The following LRRK2 variants were observed in gnomAD, a reference collection of about 807,000 sequenced individuals.
The protein encoded by LRRK2 is leucine rich repeat kinase 2, also known as leucine-rich repeat serine/threonine-protein kinase 2.
Under a neutral mutation model 302.6 loss-of-function variants are expected in LRRK2, and 203 were observed. That is an observed-to-expected ratio of 0.67 (90% CI 0.60 to 0.75). LRRK2 has a LOEUF of 0.75. Among genes scored for constraint, LRRK2 ranks in the 30% least tolerant of loss-of-function variants. The pLI is 0.00. For synonymous variants in LRRK2, 1,066 were observed against 1,031.9 expected, an observed-to-expected ratio of 1.03 and a Z score of -0.63; for missense variants, 2,830 against 2,951.0, an observed-to-expected ratio of 0.96 and a Z score of 0.95.
intron 33 of LRRK2, among the ~76,000 whole-genome samples, chr12:40,319,037 A>G (rs1945317417): frequency 6.6e-6 from 1 of 152,110 alleles, no homozygotes; most frequent in Admixed American, 6.6e-5. Context: ...TCACTCAACT[A>G]CATGATAGCA....
intron 27 of LRRK2, 178 bp downstream of exon 27, chr12:40,304,312 G>A (rs1944731806): frequency 8.0e-6 from 5 of 627,082 alleles, no homozygotes; most frequent in Non-Finnish European, 1.4e-5. Flanking sequence ...AATAAGAACA[G>A]CTACTAATGA....
chr12:40,337,567 T>C (rs1028821024), intron 40 of LRRK2, among the ~76,000 whole-genome samples: 3 of 152,186 alleles, frequency 2.0e-5, no homozygotes, highest in Non-Finnish European at 4.4e-5. Flanking sequence ...AAGTATGCAT[T>C]TGTCCACCAG....
chr12:40,305,645 G>A (rs1015708282), intron 27 of LRRK2, 140 bp from the exon 28 acceptor site: 58 of 772,192 alleles, frequency 7.5e-5, no homozygotes, highest in Non-Finnish European at 1.2e-4. Context: ...CAAACCTTTG[G>A]AAAGTTTTAA....
chr12:40,251,467 G>C lies in LRRK2; in HGVS notation c.1104G>C (p.Glu368Asp). 6.2e-7 allele frequency: 1 copy of C among 1,611,574 alleles called. No individual in the cohort carries two copies. Among genetic ancestry groups the C allele is most frequent in the Non-Finnish European group, 8.5e-7 (1 of 1,178,604 alleles). ...TWHRKNKHVQEAACWALNNLL... is the reference protein window; with the variant it reads ...TWHRKNKHVQDAACWALNNLL... ...TTCTTTTTTCTCCCCTAATCCAGGA[G>C]GCCGCATGCTGGGCACTAAATAATC... Residue 368 changes from glutamate to aspartate, a missense_variant and splice_region_variant, in exon 10 of 51, where the codon GAG becomes GAC. By Grantham distance (45) the Glu-to-Asp change is conservative. Around this residue, in one of 3 missense-constraint regions of LRRK2, gnomAD observed 2,121 missense variants for 2,148.0 expected, o/e 0.99. Transcript: ENST00000298910.
chr12:40,265,536 G>C (rs995685028), intron 14 of LRRK2, among the ~76,000 whole-genome samples: 1 of 152,156 alleles, frequency 6.6e-6, no homozygotes, highest in African/African-American at 2.4e-5. Context: ...TCATAAGTGG[G>C]TGGGAAGAAG....
In LRRK2 at chr12:40,243,552, A is replaced by G; in HGVS notation, c.709A>G (p.Asn237Asp). The G allele has an allele frequency of 6.2e-7, 1 of 1,611,206 alleles. No homozygotes were observed. The highest frequency in any genetic ancestry group is 2.2e-5 in the East Asian group (1 of 44,664). The change falls in exon 7 of 51, where the codon AAT becomes GAT. Residue 237 changes from asparagine to aspartate, a missense_variant and splice_region_variant. By Grantham distance (23) the Asn-to-Asp change is conservative (BLOSUM62 1). Coordinates refer to ENST00000298910, the MANE Select transcript of LRRK2 (RefSeq NM_198578.4). ...HCLHSLAIPC[N>D]NVEVLMSGNV... ...AATTATGATCTCTTTAAATTCAGGC[A>G]ATAATGTGGAAGTCCTCATGAGTGG...
At chr12:40,353,502 G>C (rs555936758) in intron 44 of LRRK2, among the ~76,000 whole-genome samples, 2 of 65,970 alleles carry the variant, frequency 3.0e-5, no homozygotes, top group East Asian at 6.5e-4. Flanking sequence ...TCCCAGACTG[G>C]GCAGCCGGGC....
intron 20 of LRRK2, among the ~76,000 whole-genome samples, chr12:40,292,326 G>A (rs1028816633): frequency 1.3e-5 from 2 of 151,878 alleles, no homozygotes; most frequent in African/African-American, 4.8e-5. Flanking sequence ...CAGTTTTCTT[G>A]TTGTTTATGT....
chr12:40,305,249 A>AT (rs1476365976), intron 27 of LRRK2, among the ~76,000 whole-genome samples: 20 of 152,244 alleles, frequency 1.3e-4, no homozygotes, highest in Admixed American at 1.0e-3. Context: ...TTGCTACCTG[A>AT]TTTTTTGCCA....
chr12:40,249,581 G>A (rs926509767), intron 7 of LRRK2, among the ~76,000 whole-genome samples: 2 of 152,032 alleles, frequency 1.3e-5, no homozygotes, highest in African/African-American at 2.4e-5. Context: ...TTAATACAAC[G>A]CAAACTAGTA....
At chr12:40,355,085 G>A (rs993611067) in intron 45 of LRRK2, among the ~76,000 whole-genome samples, 11 of 152,014 alleles carry the variant, frequency 7.2e-5, no homozygotes, top group Non-Finnish European at 1.2e-4. Flanking sequence ...TTTCCAGGAG[G>A]CATTAAGATT....
intron 14 of LRRK2, among the ~76,000 whole-genome samples, chr12:40,273,910 A>G (rs547882908): frequency 7.2e-4 from 109 of 152,218 alleles, no homozygotes; most frequent in African/African-American, 2.3e-3. Flanking sequence ...TCATAGTGTC[A>G]AATCATCTGG....
At chr12:40,339,474 G>GT (rs527443618) in intron 40 of LRRK2, among the ~76,000 whole-genome samples, 7 of 152,028 alleles carry the variant, frequency 4.6e-5, no homozygotes, top group East Asian at 1.9e-4. Context: ...ACTTTACACT[G>GT]TTTTTTTATA....
intron 14 of LRRK2, among the ~76,000 whole-genome samples, chr12:40,264,483 G>A (rs375451653): frequency 6.6e-6 from 1 of 152,146 alleles, no homozygotes; most frequent in Non-Finnish European, 1.5e-5. Flanking sequence ...ACTGGGCATG[G>A]TGGCACGTGC....
At chr12:40,270,232 C>T (rs1265373469) in intron 14 of LRRK2, among the ~76,000 whole-genome samples, 1 of 152,064 alleles carries the variant, frequency 6.6e-6, no homozygotes, top group African/African-American at 2.4e-5. Context: ...AGTATTTGCA[C>T]TTCTAATATC....
chr12:40,305,260 G>A (rs1389290518), intron 27 of LRRK2, among the ~76,000 whole-genome samples: 2 of 152,094 alleles, frequency 1.3e-5, no homozygotes, highest in African/African-American at 2.4e-5. Flanking sequence ...TTTTTTGCCA[G>A]CAAATGAGTG....
chr12:40,228,171 T>C (rs1940991920), intron 2 of LRRK2, among the ~76,000 whole-genome samples: 1 of 152,204 alleles, frequency 6.6e-6, no homozygotes, highest in South Asian at 2.1e-4. Context: ...CTGTGTTTCA[T>C]CATGGCTGTG....
chr12:40,251,382 T>G lies in LRRK2; in HGVS notation c.1101+8T>G, dbSNP rs764353764. 1 of 1,613,972 alleles carries G rather than the reference T, an allele frequency of 6.2e-7. No homozygotes were observed. The highest frequency in any genetic ancestry group is 1.1e-5 in the South Asian group (1 of 91,076). The stretch of plus-strand genomic sequence containing the variant: ...AAGAACAAGCACGTGCAGGTAGGAC[T>G]CTCATAAATATTAGAGTTATTCAAA... On this transcript the variant is annotated splice_region_variant and intron_variant, in intron 9 of 50. Coordinates refer to ENST00000298910, the MANE Select transcript of LRRK2 (RefSeq NM_198578.4).
intron 14 of LRRK2, among the ~76,000 whole-genome samples, chr12:40,271,755 C>T (rs902635848): frequency 5.3e-5 from 8 of 151,946 alleles, no homozygotes; most frequent in Non-Finnish European, 1.2e-4. Context: ...AAATCAAATG[C>T]TCATATTTAA....
Sources: allele counts gnomAD v4.1 joint callset (sites outside exome capture counted in the v4.1 genomes callset), GRCh38; gene constraint gnomAD v4.1.1; regional missense constraint gnomAD v4.1.1; transcripts MANE v1.5; gene names NCBI Gene and HGNC (gene_info 2026-07-23, HGNC 2026-07-21).